FBXL7: variants seen among roughly 807,000 people sequenced by gnomAD.
FBXL7 encodes the protein F-box/LRR-repeat protein 7.
In FBXL7, 12 loss-of-function variants were observed where a neutral mutation model predicts 38.3. That is an observed-to-expected ratio of 0.31 (90% CI 0.20 to 0.51). The LOEUF (loss-of-function observed/expected upper bound fraction) is 0.51, where lower values mean the gene tolerates loss of function less well. Among genes scored for constraint, FBXL7 ranks in the 20% least tolerant of loss-of-function variants. The probability of loss-of-function intolerance (pLI) is 0.98; values close to 1 mark genes in which losing one functional copy is unlikely to be tolerated. For missense variants in FBXL7, 567 were observed against 676.4 expected (o/e 0.84, Z 1.79); for synonymous variants, 297 against 300.9 (o/e 0.99, Z 0.13).
intron 1 of FBXL7, among the ~76,000 whole-genome samples, chr5:15,554,915 TA>T (rs1367625985): frequency 6.6e-6 from 1 of 152,224 alleles, no homozygotes; most frequent in African/African-American, 2.4e-5. Context: ...GTTGAGTCAG[TA>T]AAGCACATTT....
At chr5:15,673,824 G>T (rs920126823) in intron 2 of FBXL7, among the ~76,000 whole-genome samples, 5 of 151,654 alleles carry the variant, frequency 3.3e-5, no homozygotes, top group African/African-American at 1.2e-4. Flanking sequence ...AAGAACAGGG[G>T]TCTTCTGCCA....
intron 1 of FBXL7, among the ~76,000 whole-genome samples, chr5:15,525,320 C>A (rs998649403): frequency 1.3e-5 from 2 of 152,136 alleles, no homozygotes; most frequent in African/African-American, 4.8e-5. Flanking sequence ...GTCTTAAAAT[C>A]TTTTTCTGTT....
At position 15,501,860 on chromosome 5, in the gene FBXL7, ATGTGTATG is replaced by A. The variant is rs201116687; in HGVS notation, c.37+1153_37+1160del. On this transcript the variant is annotated intron_variant, in intron 1 of 3. Transcript: ENST00000504595. ...ATCATGTTTTGACTTCCATATGTGC[ATGTGTATG>A]TGTGTGTGTGTGTGTGTGTGTGTGT... 2,572 of 347,954 alleles carry A rather than the reference ATGTGTATG, an allele frequency of 7.4e-3. 18 individuals are homozygous for A. Among genetic ancestry groups the A allele is most frequent in the Non-Finnish European group, 8.2e-3 (2,120 of 257,630 alleles). 21.6% of individuals were successfully genotyped at this position (347,954 alleles called of 1,614,324 possible).
chr5:15,599,777 T>C (rs1185239552), intron 1 of FBXL7, among the ~76,000 whole-genome samples: 1 of 144,860 alleles, frequency 6.9e-6, no homozygotes, highest in Non-Finnish European at 1.5e-5. Flanking sequence ...TTTAGTTTTC[T>C]GTGGTAGGAA....
intron 2 of FBXL7, among the ~76,000 whole-genome samples, chr5:15,768,441 G>A (rs146149301): frequency 2.6e-5 from 4 of 151,656 alleles, no homozygotes; most frequent in African/African-American, 9.7e-5. Context: ...TGAGACAGGA[G>A]AATCGCTTGA....
chr5:15,571,324 A>C (rs1738774593), intron 1 of FBXL7, among the ~76,000 whole-genome samples: 2 of 152,096 alleles, frequency 1.3e-5, no homozygotes, highest in Non-Finnish European at 2.9e-5. Context: ...TTAAAATTAT[A>C]CTAGCAACAA....
At chr5:15,761,220 T>A (rs1425512790) in intron 2 of FBXL7, among the ~76,000 whole-genome samples, 1 of 152,212 alleles carries the variant, frequency 6.6e-6, no homozygotes, top group African/African-American at 2.4e-5. Flanking sequence ...TACTAAGTAA[T>A]CTACCGCATT....
At chr5:15,927,764 TAAAAAAAAAAAAA>T (rs753935096) in intron 2 of FBXL7, 113 bp from the exon 3 acceptor site, 4 of 453,494 alleles carry the variant, frequency 8.8e-6, no homozygotes, top group Non-Finnish European at 1.2e-5. Context: ...GACAAGATCT[TAAAAAAAAAAAAA>T]AAAAAAAAAA....
chr5:15,558,344 T>C (rs1170017901), intron 1 of FBXL7, among the ~76,000 whole-genome samples: 1 of 152,174 alleles, frequency 6.6e-6, no homozygotes, highest in East Asian at 1.9e-4. Context: ...AATCTTCACT[T>C]CCCTTTTCTT....
intron 2 of FBXL7, among the ~76,000 whole-genome samples, chr5:15,617,801 T>A (rs1740504217): frequency 6.6e-6 from 1 of 152,202 alleles, no homozygotes; most frequent in South Asian, 2.1e-4. Context: ...CAGTTACACA[T>A]AGTGCAATCC....
chr5:15,906,626 A>C (rs1343711885), intron 2 of FBXL7, among the ~76,000 whole-genome samples: 3 of 127,876 alleles, frequency 2.3e-5, no homozygotes, highest in African/African-American at 9.2e-5. Context: ...CTAATGTGTC[A>C]TCTAGCATTA....
intron 2 of FBXL7, among the ~76,000 whole-genome samples, chr5:15,785,337 A>G (rs1013266396): frequency 6.6e-6 from 1 of 152,160 alleles, no homozygotes; most frequent in African/African-American, 2.4e-5. Context: ...TAATGTGACC[A>G]TGATACACAT....
intron 1 of FBXL7, among the ~76,000 whole-genome samples, chr5:15,506,271 A>G (rs1736645224): frequency 6.6e-6 from 1 of 151,614 alleles, no homozygotes; most frequent in Non-Finnish European, 1.5e-5. Context: ...ATCCCTCCAC[A>G]GTCAATTCGA....
chr5:15,753,589 G>A (rs1736211306), intron 2 of FBXL7, among the ~76,000 whole-genome samples: 1 of 152,142 alleles, frequency 6.6e-6, no homozygotes, highest in Non-Finnish European at 1.5e-5. Flanking sequence ...CAAATCCATA[G>A]ATCTACATTG....
rs545454004 is a variant in FBXL7 at position 15,844,230 on chromosome 5, C to G, written c.128-83660C>G. On this transcript the variant is annotated intron_variant, in intron 2 of 3. Transcript: ENST00000504595. ...GATTGGCCTTTCATTTTGCTTCAAT[C>G]TTTTCCATTCAAGTGCCAGGGAAGG... Among the ~76,000 whole-genome samples, 17 of 152,270 alleles carry G rather than the reference C, an allele frequency of 1.1e-4. No homozygotes were observed. In the South Asian group the frequency reaches 2.1e-3, roughly 19 times the overall value.
At chr5:15,896,971 T>TA (rs1741118519) in intron 2 of FBXL7, among the ~76,000 whole-genome samples, 1 of 152,032 alleles carries the variant, frequency 6.6e-6, no homozygotes, top group African/African-American at 2.4e-5. Flanking sequence ...CCATCTCTAC[T>TA]AAAAATATAA....
At chr5:15,742,769 C>T (rs190762962) in intron 2 of FBXL7, among the ~76,000 whole-genome samples, 184 of 152,210 alleles carry the variant, frequency 1.2e-3, no homozygotes, top group African/African-American at 4.2e-3. Flanking sequence ...AAGACATACT[C>T]GAGACTGAGT....
chr5:15,759,604 A>T (rs563368523), intron 2 of FBXL7, among the ~76,000 whole-genome samples: 1 of 152,334 alleles, frequency 6.6e-6, no homozygotes, highest in Admixed American at 6.5e-5. Flanking sequence ...TATTCAGGAA[A>T]TGTAAATTAT....
In FBXL7 at chr5:15,616,012, G is replaced by A. The variant is rs780242293; in HGVS notation, c.67G>A (p.Val23Met). Residue 23 changes from valine (V) to methionine (M), a missense_variant, in exon 2 of 4, where the codon GTG becomes ATG. Val to Met is a conservative substitution (Grantham distance 21). Coordinates refer to ENST00000504595, the MANE Select transcript of FBXL7 (RefSeq NM_012304.5). ...GKGSSSISSD[V>M]SSSTDHTPTK... ...AGGCAGCTCGAGCATCTCATCTGAC[G>A]TGAGTTCAAGTACAGATCACACGCC... 4.0e-5 allele frequency: 64 copies of A among 1,612,978 alleles called. No homozygotes were observed. The South Asian group carries it at 4.9e-4, about 12-fold the overall frequency.
Sources: allele counts gnomAD v4.1 joint callset (sites outside exome capture counted in the v4.1 genomes callset), GRCh38; gene constraint gnomAD v4.1.1; transcripts MANE v1.5; gene names NCBI Gene and HGNC (gene_info 2026-07-23, HGNC 2026-07-21).